The following NAMPT variants were observed in gnomAD, a reference collection of about 807,000 sequenced individuals.
NAMPT encodes nicotinamide phosphoribosyltransferase.
A neutral mutation model predicts 58.7 loss-of-function variants in NAMPT; 7 were observed. The observed-to-expected ratio is 0.12, with a 90% CI of 0.07 to 0.22. The LOEUF (loss-of-function observed/expected upper bound fraction) is 0.22, where lower values mean the gene tolerates loss of function less well. Among genes scored for constraint, NAMPT ranks in the 10% least tolerant of loss-of-function variants. The pLI is 1.00. For synonymous variants in NAMPT, 145 were observed against 198.1 expected, an observed-to-expected ratio of 0.73 and a Z score of 2.25; for missense variants, 271 against 567.9, an observed-to-expected ratio of 0.48 and a Z score of 5.31.
intron 8 of NAMPT, among the ~76,000 whole-genome samples, chr7:106,254,807 A>G (rs993730315): frequency 1.3e-5 from 2 of 152,180 alleles, no homozygotes; most frequent in African/African-American, 4.8e-5. Context: ...TAAATATCTA[A>G]GATTACTTGA....
intron 3 of NAMPT, among the ~76,000 whole-genome samples, chr7:106,273,391 A>T (rs185668428): frequency 6.6e-6 from 1 of 152,332 alleles, no homozygotes; most frequent in Admixed American, 6.5e-5. Context: ...AGAAATCCTG[A>T]TAATTTATTT....
intron 1 of NAMPT, 78 bp downstream of exon 1, chr7:106,284,724 CAGCCCCAGCCCCAACCCCAGCCCCAG>C: frequency 1.1e-6 from 1 of 881,790 alleles, no homozygotes; most frequent in South Asian, 3.9e-5. Context: ...ACCCTAGCCC[CAGCCCCAGCCCCAACCCCAGCCCCAG>C]CCGCCCCCGC....
chr7:106,258,084 T>C (rs1177060426), intron 8 of NAMPT, among the ~76,000 whole-genome samples: 1 of 152,232 alleles, frequency 6.6e-6, no homozygotes, highest in Non-Finnish European at 1.5e-5. Flanking sequence ...ACTTTTCTTC[T>C]ATTTCTTTTT....
chr7:106,261,759 A>G (rs756778783), intron 7 of NAMPT, 52 bp from the exon 8 acceptor site: 44 of 1,533,490 alleles, frequency 2.9e-5, no homozygotes, highest in Non-Finnish European at 3.8e-5. Flanking sequence ...GAAAACAAGT[A>G]TAAGAGCTTT....
chr7:106,265,567 T>TAAAAAAAAA (rs35685666), intron 6 of NAMPT, among the ~76,000 whole-genome samples: 3 of 116,458 alleles, frequency 2.6e-5, no homozygotes, highest in African/African-American at 6.6e-5. Context: ...CTCAAAAGCT[T>TAAAAAAAAA]AAAAAAAAAA....
Position 106,282,927 on chromosome 7 carries a change from T to C in NAMPT, c.57+1901A>G, listed in dbSNP as rs148730240. Among the ~76,000 whole-genome samples the C allele has an allele frequency of 2.5e-3, 383 of 152,340 alleles. 3 individuals carry two copies. The highest frequency in any genetic ancestry group is 8.7e-3 in the African/African-American group (362 of 41,582). ...CTTCTAACCTCAAGATTATCATTTTTGTCCTTTTTCCTAAGATAAAAAGAC... is the reference window on the plus strand; with the variant it reads ...CTTCTAACCTCAAGATTATCATTTTCGTCCTTTTTCCTAAGATAAAAAGAC... On this transcript the variant is annotated intron_variant, in intron 1 of 10. Coordinates refer to ENST00000222553, the MANE Select transcript of NAMPT (RefSeq NM_005746.3).
chr7:106,256,659 G>A (rs1792205493), intron 8 of NAMPT, among the ~76,000 whole-genome samples: 1 of 152,180 alleles, frequency 6.6e-6, no homozygotes. Context: ...TATAAAATAG[G>A]TTTTGTGTTA....
chr7:106,274,353 TTTA>T (rs1406655132), intron 3 of NAMPT, among the ~76,000 whole-genome samples: 22 of 152,146 alleles, frequency 1.4e-4, no homozygotes, highest in Non-Finnish European at 2.5e-4. Flanking sequence ...ATAATTCATT[TTTA>T]TTAATTACTT....
At chr7:106,276,624 C>T (rs1363795497) in intron 2 of NAMPT, 1 of 171,186 alleles carries the variant, frequency 5.8e-6, no homozygotes, top group Non-Finnish European at 1.3e-5. Context: ...AGGTGGATCA[C>T]CTGAGGTCGA....
At chr7:106,261,919 T>A (rs1792310293) in intron 7 of NAMPT, among the ~76,000 whole-genome samples, 1 of 152,112 alleles carries the variant, frequency 6.6e-6, no homozygotes, top group Non-Finnish European at 1.5e-5. Flanking sequence ...TTATTTCCTA[T>A]GAAGTGAATT....
chr7:106,268,383 G>A lies in NAMPT; in HGVS notation c.743+81C>T, dbSNP rs1256387000. On this transcript the variant is annotated intron_variant, in intron 6 of 10. Coordinates refer to ENST00000222553, the MANE Select transcript of NAMPT (RefSeq NM_005746.3). Reference sequence around the variant, plus strand: ...AGATGTACTGTAGGTACCTGGCTCTGCAGTTAGGTAAAATGTCACTGAGTT... The same window carrying A: ...AGATGTACTGTAGGTACCTGGCTCTACAGTTAGGTAAAATGTCACTGAGTT... The A allele has an allele frequency of 5.4e-6, 7 of 1,296,630 alleles. No individual in the cohort carries two copies. In the South Asian group the frequency reaches 7.0e-5, roughly 13 times the overall value. 80.3% of individuals were successfully genotyped at this position (1,296,630 alleles called of 1,614,324 possible). A position where few individuals can be genotyped will look rare whatever the true frequency, so the allele number is the denominator to read the frequency against.
At position 106,248,880 on chromosome 7, in the gene NAMPT, C is replaced by G. The variant is rs1792061227; in HGVS notation, c.*2203G>C. 1 of 151,990 alleles carries G rather than the reference C, an allele frequency of 6.6e-6. No homozygotes were observed. The highest frequency in any genetic ancestry group is 2.1e-4 in the South Asian group (1 of 4,824). 9.4% of individuals were successfully genotyped at this position (151,990 alleles called of 1,614,324 possible). On this transcript the variant is annotated 3_prime_UTR_variant, in exon 11 of 11. Coordinates refer to ENST00000222553, the MANE Select transcript of NAMPT (RefSeq NM_005746.3). ...GACAGAAAGTCAGAATTAATCAGTTCCAAGTGACTAAGAGCCAATAGAATT... is the reference window on the plus strand; with the variant it reads ...GACAGAAAGTCAGAATTAATCAGTTGCAAGTGACTAAGAGCCAATAGAATT...
chr7:106,251,014 C>G lies in NAMPT; in HGVS notation c.*69G>C. 1 of 1,214,384 alleles carries G rather than the reference C, an allele frequency of 8.2e-7. No individual in the cohort carries two copies. The highest frequency in any genetic ancestry group is 1.2e-6 in the Non-Finnish European group (1 of 828,502). The allele number at this position is 1,214,384 out of a possible 1,614,324, so 75.2% of individuals were successfully genotyped here. A position where few individuals can be genotyped will look rare whatever the true frequency, so the allele number is the denominator to read the frequency against. ...TTTGGCTGTAATGTATCATAAAACA[C>G]AAACCCCACACATCTGTACAATAAA... is the stretch of plus-strand genomic sequence containing the variant. On this transcript the variant is annotated 3_prime_UTR_variant, in exon 11 of 11. Coordinates refer to ENST00000222553, the MANE Select transcript of NAMPT (RefSeq NM_005746.3).
intron 2 of NAMPT, 34 bp from the exon 3 acceptor site, chr7:106,275,083 A>C (rs367775213): frequency 1.5e-6 from 2 of 1,353,116 alleles, no homozygotes; most frequent in Non-Finnish European, 2.1e-6. Flanking sequence ...TTACATTTCT[A>C]AAGGTGCATT....
chr7:106,269,359 A>G, intron 4 of NAMPT, 47 bp from the exon 5 acceptor site: 3 of 1,504,680 alleles, frequency 2.0e-6, no homozygotes, highest in South Asian at 1.2e-5. Context: ...AAAATACTGC[A>G]TTCTTTCTGA....
Position 106,268,550 on chromosome 7 carries a change from A to G in NAMPT, c.657T>C (p.Asp219=). ...TAATTAGAGCAAGTCCTGCTACTGT[A>G]TCTGTTCCTTTGAAGTTAACCAAGT... ...SAHLVNFKGT[D]TVAGLALIKK... The change falls in exon 6 of 11, where the codon GAT becomes GAC. Residue 219 remains aspartate (D), a synonymous_variant. Transcript: ENST00000222553. The G allele has an allele frequency of 1.9e-6, 3 of 1,612,062 alleles. No homozygotes were observed. The highest frequency in any genetic ancestry group is 2.5e-6 in the Non-Finnish European group (3 of 1,178,100).
intron 1 of NAMPT, among the ~76,000 whole-genome samples, chr7:106,284,084 C>T (rs1349761042): frequency 6.6e-6 from 1 of 152,218 alleles, no homozygotes; most frequent in Non-Finnish European, 1.5e-5. Context: ...TTTAAATCCT[C>T]GTGTTTCATT....
upstream of NAMPT, chr7:106,285,341 G>T: frequency 2.2e-6 from 1 of 456,288 alleles, no homozygotes. Flanking sequence ...CCCGGCACGG[G>T]CGCGGGAGGG....
chr7:106,269,990 C>T (rs1792500984), intron 4 of NAMPT, among the ~76,000 whole-genome samples: 1 of 152,144 alleles, frequency 6.6e-6, no homozygotes, highest in Non-Finnish European at 1.5e-5. Flanking sequence ...AAAATACTCA[C>T]GTAAGTTACA....
Sources: allele counts gnomAD v4.1 joint callset (sites outside exome capture counted in the v4.1 genomes callset), GRCh38; gene constraint gnomAD v4.1.1; transcripts MANE v1.5; gene names NCBI Gene and HGNC (gene_info 2026-07-23, HGNC 2026-07-21).